WIZ: variants seen among roughly 807,000 people sequenced by gnomAD.
WIZ encodes the protein WIZ zinc finger.
A neutral mutation model predicts 140.2 loss-of-function variants in WIZ; 25 were observed. The observed-to-expected ratio is 0.18, with a 90% CI of 0.13 to 0.25. WIZ has a LOEUF of 0.25. WIZ is among the 10% of genes least tolerant of loss of function. The pLI is 1.00. For missense variants in WIZ, 2,231 were observed against 2,632.6 expected (o/e 0.85, Z 3.34); for synonymous variants, 1,125 against 1,154.3 (o/e 0.97, Z 0.51).
In WIZ at chr19:15,428,169, G is replaced by A. The variant is rs1374224559; in HGVS notation, c.3755C>T (p.Ala1252Val). 1 of 1,534,408 alleles carries A rather than the reference G, an allele frequency of 6.5e-7. No individual in the cohort carries two copies. The highest frequency in any genetic ancestry group is 8.7e-7 in the Non-Finnish European group (1 of 1,146,762). The change falls in exon 8 of 13, where the codon GCC becomes GTC. Residue 1252 changes from alanine (A) to valine (V), a missense_variant. Physicochemically the swap from Ala to Val is moderately conservative, Grantham distance 64. This residue lies in a region of WIZ where 141 missense variants were observed against 161.2 expected (regional missense o/e 0.87). Coordinates refer to ENST00000673675, the MANE Select transcript of WIZ (RefSeq NM_001371589.1). The surrounding 1 kb of genome is among the most constrained non-coding windows in gnomAD (Gnocchi z 6.4). ...CCAGAAAATGCCGGCGGCTGCGGCG[G>A]CCGAGAGGTCCTGCTTCCCCCAGGG... ...ASPWGKQDLS[A>V]AAAAGIFWAS...
At chr19:15,426,613 ACAGTT>A (rs1178257440) in intron 9 of WIZ, among the ~76,000 whole-genome samples, 1 of 152,258 alleles carries the variant, frequency 6.6e-6, no homozygotes, top group African/African-American at 2.4e-5. Context: ...TCAGAAAGAC[ACAGTT>A]CAGACGTTCA....
At chr19:15,441,836 T>C (rs1191447238) in intron 3 of WIZ, among the ~76,000 whole-genome samples, 1 of 152,156 alleles carries the variant, frequency 6.6e-6, no homozygotes, top group African/African-American at 2.4e-5. Flanking sequence ...GCAGCTATTA[T>C]TAATTAATTA....
intron 1 of WIZ, among the ~76,000 whole-genome samples, chr19:15,448,649 G>A (rs1970003126): frequency 6.6e-6 from 1 of 151,958 alleles, no homozygotes; most frequent in South Asian, 2.1e-4. Context: ...TCAGCCACCT[G>A]GTCTTCTTCC....
At position 15,429,572 on chromosome 19, in the gene WIZ, G is replaced by T; in HGVS notation, c.3415+14C>A. On this transcript the variant is annotated intron_variant, in intron 7 of 12. Coordinates refer to ENST00000673675, the MANE Select transcript of WIZ (RefSeq NM_001371589.1). The stretch of plus-strand genomic sequence containing the variant: ...GCGCCAGAACCTCCCTCGGCTCTTG[G>T]GACCCACACTCACTGAGGTTCAAGG... 1 of 1,350,392 alleles carries T rather than the reference G, an allele frequency of 7.4e-7. No individual in the cohort carries two copies. The highest frequency in any genetic ancestry group is 2.2e-4 in the Middle Eastern group (1 of 4,450). 83.7% of individuals were successfully genotyped at this position (1,350,392 alleles called of 1,614,324 possible).
intron 2 of WIZ, among the ~76,000 whole-genome samples, chr19:15,445,545 C>T (rs1318599045): frequency 1.3e-5 from 2 of 152,186 alleles, no homozygotes; most frequent in Non-Finnish European, 2.9e-5. Flanking sequence ...ACCCCAGAGC[C>T]TCAGGTCCGG....
At chr19:15,432,488 C>T (rs1194957689) in intron 5 of WIZ, 116 of 972,774 alleles carry the variant, frequency 1.2e-4, no homozygotes, top group Non-Finnish European at 1.4e-4. Flanking sequence ...GCCTTGGGCC[C>T]GTCCCGCGGC....
At position 15,422,880 on chromosome 19, in the gene WIZ, T is replaced by G; in HGVS notation, c.*196A>C. The G allele has an allele frequency of 2.7e-6, 2 of 741,664 alleles. No individual in the cohort carries two copies. Among genetic ancestry groups the G allele is most frequent in the Non-Finnish European group, 4.2e-6 (2 of 472,356 alleles). 45.9% of individuals were successfully genotyped at this position (741,664 alleles called of 1,614,324 possible). The stretch of plus-strand genomic sequence containing the variant: ...AGGAAGACACCCTGTGGCCCCAGAG[T>G]CCTCGGGCTGGGGGAAGGGCAGCTA... On this transcript the variant is annotated 3_prime_UTR_variant, in exon 13 of 13. Transcript: ENST00000673675.
Position 15,424,706 on chromosome 19 carries a change from C to G in WIZ, c.5221G>C (p.Ala1741Pro). Residue 1741 changes from alanine (A) to proline (P), a missense_variant, in exon 11 of 13, where the codon GCT becomes CCT. Around this residue, in one of 15 missense-constraint regions of WIZ, gnomAD observed 299 missense variants for 309.6 expected, o/e 0.97. Transcript: ENST00000673675. The surrounding 1 kb of genome is among the most constrained non-coding windows in gnomAD (Gnocchi z 9.7). ...RSAGGEPGPE[A>P]GRAADGGERP... ...TCACCACCGTCGGCTGCCCGGCCAGCCTCGGGCCCTGGCTCCCCTCCGGCA... is the reference window on the plus strand; with the variant it reads ...TCACCACCGTCGGCTGCCCGGCCAGGCTCGGGCCCTGGCTCCCCTCCGGCA... 1.3e-6 allele frequency: 2 copies of G among 1,581,114 alleles called. No homozygotes were observed. Among genetic ancestry groups the G allele is most frequent in the South Asian group, 2.3e-5 (2 of 88,464 alleles).
chr19:15,444,189 A>G lies in WIZ; in HGVS notation c.206-1441T>C, dbSNP rs1599712411. ...GGGCGAATTCTTTTTCCAATCCCTC[A>G]TCATCCAATTGGCCCGAGAAATTGA... is the stretch of plus-strand genomic sequence containing the variant. On this transcript the variant is annotated intron_variant, in intron 2 of 12. Transcript: ENST00000673675. Among the ~76,000 whole-genome samples the G allele has an allele frequency of 2.6e-5, 4 of 152,150 alleles. No homozygotes were observed. The South Asian group carries it at 8.3e-4, about 31-fold the overall frequency.
At chr19:15,437,775 G>GTAAAT (rs1482049497) in intron 4 of WIZ, among the ~76,000 whole-genome samples, 1 of 152,236 alleles carries the variant, frequency 6.6e-6, no homozygotes, top group Non-Finnish European at 1.5e-5. Flanking sequence ...CGCAAGTGCT[G>GTAAAT]TAAATTAAAT....
At position 15,431,146 on chromosome 19, in the gene WIZ, T is replaced by A; in HGVS notation, c.2777A>T (p.Asp926Val). The A allele has an allele frequency of 1.3e-6, 2 of 1,533,678 alleles. No homozygotes were observed. The highest frequency in any genetic ancestry group is 1.7e-6 in the Non-Finnish European group (2 of 1,145,498). Reference sequence around the variant, plus strand: ...CTTAGGGAGCGAGGGAGAGCCCAAGTCCATGGCCACCATTGCGTTTTCCTC... The same window carrying A: ...CTTAGGGAGCGAGGGAGAGCCCAAGACCATGGCCACCATTGCGTTTTCCTC... ...GSEENAMVAMDLGSPSLPKKS... is the reference protein window; with the variant it reads ...GSEENAMVAMVLGSPSLPKKS... The change falls in exon 6 of 13, where the codon GAC becomes GTC. Residue 926 changes from aspartate to valine, a missense_variant. By Grantham distance (152) the Asp-to-Val change is radical. Transcript: ENST00000673675.
At chr19:15,433,428 G>A (rs758811469) in intron 5 of WIZ, 59 of 881,708 alleles carry the variant, frequency 6.7e-5, no homozygotes, top group Non-Finnish European at 7.1e-5. Context: ...GCCTTGCAGC[G>A]CCAGTGCCCA....
rs757867446 is a variant in WIZ, at chr19:15,425,349, G to T, written c.4786C>A (p.Pro1596Thr). 3.9e-5 allele frequency: 61 copies of T among 1,559,250 alleles called. No individual in the cohort carries two copies. Among genetic ancestry groups the T allele is most frequent in the Non-Finnish European group, 5.2e-5 (60 of 1,152,002 alleles). ...GGGAGGAGGCGGTCCTCCTGCAGGG[G>T]CCGCTTGGCTGCCACTGAGCCCAGG... ...GYLGSVAAKR[P>T]LQEDRLLPAE... The change falls in exon 10 of 13, where the codon CCC (proline) becomes ACC (threonine). Residue 1596 changes from proline (P) to threonine (T), a missense_variant. Physicochemically the swap from Pro to Thr is conservative, Grantham distance 38 (BLOSUM62 -1). Coordinates refer to ENST00000673675, the MANE Select transcript of WIZ (RefSeq NM_001371589.1).
Position 15,427,345 on chromosome 19 carries a change from C to A in WIZ, c.4003G>T (p.Gly1335Cys), listed in dbSNP as rs1968901566. 6.2e-7 allele frequency: 1 copy of A among 1,613,624 alleles called. No individual in the cohort carries two copies. Among genetic ancestry groups the A allele is most frequent in the Admixed American group, 1.7e-5 (1 of 60,016 alleles). ...ILKRRTQSRP[G>C]GPPNPPGPSP... ...GGCCCTGGTGGGTTGGGAGGTCCAC[C>A]AGGCCGAGACTGGGTCCGTCTCTTC... Residue 1335 changes from glycine (G) to cysteine (C), a missense_variant, in exon 9 of 13, where the codon GGT (glycine) becomes TGT (cysteine). Around this residue, in one of 15 missense-constraint regions of WIZ, gnomAD observed 393 missense variants for 451.7 expected, o/e 0.87. Coordinates refer to ENST00000673675, the MANE Select transcript of WIZ (RefSeq NM_001371589.1). This position sits in a 1 kb window ranked among gnomAD's most constrained non-coding sequence, Gnocchi z 6.4.
At position 15,436,853 on chromosome 19, in the gene WIZ, G is replaced by T; in HGVS notation, c.2693C>A (p.Pro898His). The T allele has an allele frequency of 6.2e-7, 1 of 1,611,614 alleles. No individual in the cohort carries two copies. Among genetic ancestry groups the T allele is most frequent in the Non-Finnish European group, 8.5e-7 (1 of 1,179,166 alleles). The change falls in exon 5 of 13, where the codon CCC (proline) becomes CAC (histidine). Residue 898 changes from proline to histidine, a missense_variant. Physicochemically the swap from Pro to His is moderately conservative, Grantham distance 77. Around this residue, in one of 15 missense-constraint regions of WIZ, gnomAD observed 137 missense variants for 135.8 expected, o/e 1.01. Transcript: ENST00000673675. ...GTCCTCAGCCCAGGTGGGTGGAAAG[G>T]GCACCGTGAGAGGTAAGCGGGGCCG... ...SRRPRLPLTVPFPPTWAEDPG... is the reference protein window; with the variant it reads ...SRRPRLPLTVHFPPTWAEDPG...
At chr19:15,431,621 A>C (rs1468549258) in intron 5 of WIZ, among the ~76,000 whole-genome samples, 1 of 152,222 alleles carries the variant, frequency 6.6e-6, no homozygotes, top group Non-Finnish European at 1.5e-5. Flanking sequence ...GGAGCCAGGG[A>C]CAGGGAGGTG....
Position 15,423,174 on chromosome 19 carries a change from G to C in WIZ, c.5572C>G (p.Gln1858Glu). The change falls in exon 13 of 13, where the codon CAG becomes GAG. Residue 1858 changes from glutamine (Q) to glutamate (E), a missense_variant. Gln to Glu is a conservative substitution (Grantham distance 29, BLOSUM62 2). Transcript: ENST00000673675. ...SIQEEWVRHLQRHILEMNFSK... is the reference protein window; with the variant it reads ...SIQEEWVRHLERHILEMNFSK... ...AAGTTCATCTCCAGGATGTGCCGCT[G>C]TAAGTGCCGCACCCACTCTTCCTGG... is the stretch of plus-strand genomic sequence containing the variant. The C allele has an allele frequency of 6.2e-7, 1 of 1,613,766 alleles. No homozygotes were observed. Among genetic ancestry groups the C allele is most frequent in the Non-Finnish European group, 8.5e-7 (1 of 1,179,954 alleles).
Position 15,428,186 on chromosome 19 carries a change from C to T in WIZ, c.3738G>A (p.Gly1246=), listed in dbSNP as rs747304401. 10 of 1,534,352 alleles carry T rather than the reference C, an allele frequency of 6.5e-6. No individual in the cohort carries two copies. Among genetic ancestry groups the T allele is most frequent in the Admixed American group, 2.0e-5 (1 of 50,966 alleles). ...LKAAGMASPW[G]KQDLSAAAAA... is the part of the protein sequence containing the mutation. ...CTGCGGCGGCCGAGAGGTCCTGCTT[C>T]CCCCAGGGGCTGGCCATACCCGCGG... The change falls in exon 8 of 13, where the codon GGG becomes GGA. Residue 1246 remains glycine, a synonymous_variant. Transcript: ENST00000673675. The surrounding 1 kb of genome is among the most constrained non-coding windows in gnomAD (Gnocchi z 6.4).
At position 15,436,925 on chromosome 19, in the gene WIZ, A is replaced by G. The variant is rs1298567168; in HGVS notation, c.2621T>C (p.Leu874Pro). ...TSAAEQPPSP[L>P]GREPGGPPGS... ...AGGCGGACCCCCAGGCTCTCGGCCC[A>G]GGGGGCTGGGGGGCTGCTCAGCAGC... is the stretch of plus-strand genomic sequence containing the variant. The change falls in exon 5 of 13, where the codon CTG (leucine) becomes CCG (proline). Residue 874 changes from leucine (L) to proline (P), a missense_variant. By Grantham distance (98) the Leu-to-Pro change is moderately conservative (BLOSUM62 -3). Transcript: ENST00000673675. The G allele has an allele frequency of 1.2e-6, 2 of 1,613,168 alleles. No individual in the cohort carries two copies. The highest frequency in any genetic ancestry group is 8.5e-7 in the Non-Finnish European group (1 of 1,179,642).
Sources: allele counts gnomAD v4.1 joint callset (sites outside exome capture counted in the v4.1 genomes callset), GRCh38; gene constraint gnomAD v4.1.1; regional missense constraint gnomAD v4.1.1; non-coding constraint Gnocchi (gnomAD v3.1); transcripts MANE v1.5; gene names NCBI Gene and HGNC (gene_info 2026-07-23, HGNC 2026-07-21).